The following UBLCP1 variants were observed in gnomAD, a reference collection of about 807,000 sequenced individuals.
UBLCP1 encodes the protein ubiquitin like domain containing CTD phosphatase 1.
UBLCP1 carries 28 observed loss-of-function variants against 42.4 expected under a neutral mutation model. The observed-to-expected ratio is 0.66, with a 90% CI of 0.49 to 0.90. The LOEUF (loss-of-function observed/expected upper bound fraction) is 0.90. Among genes scored for constraint, UBLCP1 ranks in the 40% least tolerant of loss-of-function variants. The pLI, the probability that UBLCP1 is intolerant of heterozygous loss-of-function variation, is 0.00. For synonymous variants in UBLCP1, 122 were observed against 120.8 expected, an observed-to-expected ratio of 1.01 and a Z score of -0.07; for missense variants, 279 against 374.5, an observed-to-expected ratio of 0.75 and a Z score of 2.10.
chr5:159,267,072 C>T (rs1192636243), intron 1 of UBLCP1, among the ~76,000 whole-genome samples: 1 of 152,160 alleles, frequency 6.6e-6, no homozygotes, highest in Admixed American at 6.5e-5. Context: ...AGGGCCACCA[C>T]CCTCCAGGCC....
rs1202071720 is a variant in UBLCP1, at chr5:159,284,932, T to C, written c.*1T>C. On this transcript the variant is annotated 3_prime_UTR_variant, in exon 11 of 11. Transcript: ENST00000296786. ...TCTCTCAAAGAAGCAAGGACAGTAG[T>C]TACAAGTTATACTGGCAGTTATTGA... 6.2e-7 allele frequency: 1 copy of C among 1,612,666 alleles called. No individual in the cohort carries two copies. The highest frequency in any genetic ancestry group is 8.5e-7 in the Non-Finnish European group (1 of 1,179,138).
rs2060362798 is a variant in UBLCP1, at chr5:159,270,352, C to G, written c.247-8C>G. ...TATGGTAGAACAAAACTTTTTCCAT[C>G]TTAATAGGAAGATGTCTTAGGTCCA... On this transcript the variant is annotated splice_region_variant and splice_polypyrimidine_tract_variant and intron_variant, in intron 3 of 10. Transcript: ENST00000296786. 1 of 1,607,678 alleles carries G rather than the reference C, an allele frequency of 6.2e-7. No individual in the cohort carries two copies. The highest frequency in any genetic ancestry group is 1.7e-5 in the Admixed American group (1 of 59,130).
intron 10 of UBLCP1, among the ~76,000 whole-genome samples, chr5:159,284,688 C>A (rs1246635764): frequency 6.6e-6 from 1 of 152,062 alleles, no homozygotes; most frequent in Non-Finnish European, 1.5e-5. Context: ...AGGAATAATT[C>A]TAATAGTAAC....
intron 6 of UBLCP1, among the ~76,000 whole-genome samples, chr5:159,273,312 C>A (rs1753494574): frequency 6.6e-6 from 1 of 152,068 alleles, no homozygotes; most frequent in South Asian, 2.1e-4. Flanking sequence ...AATTTGAGAA[C>A]CTTTTACAAT....
intron 9 of UBLCP1, among the ~76,000 whole-genome samples, chr5:159,279,577 T>G (rs1206834805): frequency 6.6e-6 from 1 of 152,218 alleles, no homozygotes; most frequent in Non-Finnish European, 1.5e-5. Context: ...TTTTAAACCT[T>G]TCTTACAGAC....
rs1224703750 is a variant in UBLCP1, at chr5:159,269,083, CT to C, written c.154+15del. 2 of 1,508,066 alleles carry C rather than the reference CT, an allele frequency of 1.3e-6. No homozygotes were observed. Among genetic ancestry groups the C allele is most frequent in the Non-Finnish European group, 1.8e-6 (2 of 1,133,360 alleles). The allele number at this position is 1,508,066 out of a possible 1,614,324, so 93.4% of individuals were successfully genotyped here. A position where few individuals can be genotyped will look rare whatever the true frequency, so the allele number is the denominator to read the frequency against. ...TCAAAGTTAAAGGTAATTCTCTCCC[CT>C]CTTCAGATTTTTTGCATTGAATTTT... On this transcript the variant is annotated intron_variant, in intron 2 of 10. Coordinates refer to ENST00000296786, the MANE Select transcript of UBLCP1 (RefSeq NM_145049.5).
At chr5:159,280,186 A>G (rs1257177917) in intron 9 of UBLCP1, among the ~76,000 whole-genome samples, 1 of 152,152 alleles carries the variant, frequency 6.6e-6, no homozygotes, top group Non-Finnish European at 1.5e-5. Context: ...TGTGTCTTTT[A>G]TTGAAAACCT....
intron 7 of UBLCP1, 150 bp from the exon 8 acceptor site, chr5:159,274,998 G>A: frequency 1.5e-6 from 1 of 674,878 alleles, no homozygotes; most frequent in Non-Finnish European, 2.6e-6. Flanking sequence ...TTGGCTAAGT[G>A]AAACTAAAAT....
At chr5:159,278,100 A>G (rs1418718224) in intron 8 of UBLCP1, 138 bp from the exon 9 acceptor site, 2 of 596,794 alleles carry the variant, frequency 3.4e-6, no homozygotes, top group Non-Finnish European at 6.0e-6. Flanking sequence ...GTTGCATTTA[A>G]TGATTAGCTC....
intron 9 of UBLCP1, among the ~76,000 whole-genome samples, chr5:159,279,949 G>A (rs1034252050): frequency 6.6e-6 from 1 of 151,966 alleles, no homozygotes; most frequent in African/African-American, 2.4e-5. Context: ...TTTCATGTTT[G>A]TTTAAAAGAA....
Position 159,278,276 on chromosome 5 carries a change from GT to G in UBLCP1, c.727del (p.Tyr243ThrfsTer12), listed in dbSNP as rs1388785202. On this transcript the variant is annotated frameshift_variant, in exon 9 of 11. Coordinates refer to ENST00000296786, the MANE Select transcript of UBLCP1 (RefSeq NM_145049.5). LOFTEE classifies it high-confidence loss of function. ...LGVIWGKFSE[F>X]YSKKNTIMFD... The stretch of plus-strand genomic sequence containing the variant: ...GTGTTATATGGGGAAAGTTTTCGGA[GT>G]TTTACAGCAAGAAAAACACCATTAT... The G allele has an allele frequency of 6.2e-7, 1 of 1,613,866 alleles. No individual in the cohort carries two copies. The highest frequency in any genetic ancestry group is 8.5e-7 in the Non-Finnish European group (1 of 1,179,880).
At chr5:159,283,490 C>A in intron 10 of UBLCP1, 151 bp downstream of exon 10, 1 of 624,146 alleles carries the variant, frequency 1.6e-6, no homozygotes, top group Non-Finnish European at 2.6e-6. Flanking sequence ...GTGACCTACC[C>A]CCAAAAGTAT....
At chr5:159,263,512 G>A (rs1177119549) in intron 1 of UBLCP1, among the ~76,000 whole-genome samples, 152 bp downstream of exon 1, 2 of 152,350 alleles carry the variant, frequency 1.3e-5, no homozygotes, top group East Asian at 3.9e-4. Context: ...CCTAGCCCCG[G>A]CCCGCTTAGT....
chr5:159,279,460 G>C (rs1753580251), intron 9 of UBLCP1, among the ~76,000 whole-genome samples: 1 of 152,218 alleles, frequency 6.6e-6, no homozygotes, highest in South Asian at 2.1e-4. Flanking sequence ...TCCATTCGAA[G>C]TGGCAGTCCT....
At chr5:159,277,942 A>T (rs114638397) in intron 8 of UBLCP1, among the ~76,000 whole-genome samples, 2,160 of 152,290 alleles carry the variant, frequency 0.014, 57 homozygotes, top group African/African-American at 0.05. Flanking sequence ...ATTACTTTGG[A>T]TTTTTAAAAA....
intron 5 of UBLCP1, 101 bp from the exon 6 acceptor site, chr5:159,271,922 T>C (rs1171940590): frequency 1.3e-6 from 1 of 767,648 alleles, no homozygotes; most frequent in African/African-American, 1.7e-5. Context: ...ATGAAATGTT[T>C]ATGTTTGCAT....
chr5:159,281,787 C>A (rs548148341), intron 9 of UBLCP1, among the ~76,000 whole-genome samples: 1 of 151,766 alleles, frequency 6.6e-6, no homozygotes, highest in African/African-American at 2.4e-5. Context: ...ATTGTTCTTG[C>A]TTCTCAGTAA....
Position 159,275,161 on chromosome 5 carries a change from G to T in UBLCP1, c.599G>T (p.Ser200Ile). Residue 200 changes from serine (S) to isoleucine (I), a missense_variant, in exon 8 of 11, where the codon AGC (serine) becomes ATC (isoleucine). Transcript: ENST00000296786. ...TTGTGTTTATAGGAGCTGGGAGTGAGCACAAATGCAAATTATAAGATTACT... is the reference window on the plus strand; with the variant it reads ...TTGTGTTTATAGGAGCTGGGAGTGATCACAAATGCAAATTATAAGATTACT... The part of the protein sequence containing the change: ...IEAKMKELGV[S>I]TNANYKITFM... The T allele has an allele frequency of 6.2e-7, 1 of 1,613,008 alleles. No individual in the cohort carries two copies. Among genetic ancestry groups the T allele is most frequent in the African/African-American group, 1.3e-5 (1 of 74,996 alleles).
rs773168747 is a variant in UBLCP1, at chr5:159,270,577, G to T, written c.382G>T (p.Glu128Ter). The change falls in exon 5 of 11, where the codon GAA becomes TAA. Residue 128 changes from glutamate to a stop codon, truncating the protein, a stop_gained. Coordinates refer to ENST00000296786, the MANE Select transcript of UBLCP1 (RefSeq NM_145049.5). LOFTEE classifies it high-confidence loss of function. ...ISRRVKEYKV[E>*]ILNPPREGKK... ...TCGCAGAGTGAAAGAGTACAAAGTG[G>T]AAATTTTGAATCCTCCCAGGGAAGG... 6.2e-7 allele frequency: 1 copy of T among 1,611,564 alleles called. No homozygotes were observed. Among genetic ancestry groups the T allele is most frequent in the Non-Finnish European group, 8.5e-7 (1 of 1,179,230 alleles).
Sources: allele counts gnomAD v4.1 joint callset (sites outside exome capture counted in the v4.1 genomes callset), GRCh38; gene constraint gnomAD v4.1.1; transcripts MANE v1.5; gene names NCBI Gene and HGNC (gene_info 2026-07-23, HGNC 2026-07-21).